The following CCDC122 variants were observed in gnomAD, a reference collection of about 807,000 sequenced individuals.
CCDC122 encodes coiled-coil domain-containing protein 122.
In CCDC122, 38 loss-of-function variants were observed where a neutral mutation model predicts 37.0. The observed-to-expected ratio is 1.03, with a 90% CI of 0.79 to 1.35. CCDC122 has a LOEUF of 1.35. CCDC122 is among the 40% of genes most tolerant of loss of function. CCDC122 has a pLI of 0.00. For synonymous variants in CCDC122, 83 were observed against 95.6 expected (o/e 0.87, Z 0.77); for missense variants, 305 against 310.0 (o/e 0.98, Z 0.12).
At chr13:43,850,127 C>T (rs1953675331) in intron 6 of CCDC122, among the ~76,000 whole-genome samples, 1 of 152,132 alleles carries the variant, frequency 6.6e-6, no homozygotes, top group African/African-American at 2.4e-5. Flanking sequence ...ATGATATTTG[C>T]AGAGGCCTAC....
intron 3 of CCDC122, among the ~76,000 whole-genome samples, 198 bp from the exon 4 acceptor site, chr13:43,869,001 C>T (rs1009552877): frequency 6.6e-6 from 1 of 151,900 alleles, no homozygotes; most frequent in South Asian, 2.1e-4. Context: ...TTCAAAGTTG[C>T]CTACTGCAAT....
chr13:43,878,702 C>A (rs1954745659), intron 1 of CCDC122, among the ~76,000 whole-genome samples: 1 of 152,100 alleles, frequency 6.6e-6, no homozygotes, highest in Non-Finnish European at 1.5e-5. Context: ...AATAAATGAA[C>A]GTTATATTCT....
intron 6 of CCDC122, among the ~76,000 whole-genome samples, chr13:43,845,964 G>A (rs996624857): frequency 6.6e-6 from 1 of 152,072 alleles, no homozygotes; most frequent in African/African-American, 2.4e-5. Flanking sequence ...ACATCCTGTA[G>A]AACGTTTAAC....
Position 43,862,250 on chromosome 13 carries a change from C to T in CCDC122, c.157-2180G>A, listed in dbSNP as rs77568989. ...TTTGCTATGCTTCTCATCTACTACT[C>T]TCCCTTTTTCCAGTCTCCTTTGTGT... On this transcript the variant is annotated intron_variant, in intron 4 of 6. Transcript: ENST00000444614. Among the ~76,000 whole-genome samples the T allele has an allele frequency of 2.9e-4, 44 of 152,306 alleles. No individual in the cohort carries two copies. In the East Asian group the frequency reaches 8.5e-3, roughly 29 times the overall value.
In CCDC122 at chr13:43,842,528, C is replaced by G. The variant is rs142866070; in HGVS notation, c.673-5099G>C. 4.6e-5 allele frequency among the ~76,000 whole-genome samples: 7 copies of G among 150,606 alleles called. No individual in the cohort carries two copies. In the East Asian group the frequency reaches 1.4e-3, roughly 29 times the overall value. On this transcript the variant is annotated intron_variant, in intron 6 of 6. Transcript: ENST00000444614. Reference sequence around the variant, plus strand: ...GGCTACTAGATCCTTTGCGTTTTCACGTAAATTTTAAAATTAGCTTATCAA... The same window carrying G: ...GGCTACTAGATCCTTTGCGTTTTCAGGTAAATTTTAAAATTAGCTTATCAA...
chr13:43,848,992 G>T (rs1030455233), intron 6 of CCDC122: 3 of 960,228 alleles, frequency 3.1e-6, no homozygotes, highest in East Asian at 1.1e-4. Flanking sequence ...ATTAATGATC[G>T]ATTCTCATCA....
Position 43,878,648 on chromosome 13 carries a change from C to T in CCDC122, c.-200+983G>A, listed in dbSNP as rs117964072. On this transcript the variant is annotated intron_variant, in intron 1 of 6. Coordinates refer to ENST00000444614, the MANE Select transcript of CCDC122 (RefSeq NM_144974.5). ...CTCTTGGAAGGTCGGATATTTTTTC[C>T]CTTTACCATACACTGGCCTTCCATG... 6.5e-3 allele frequency among the ~76,000 whole-genome samples: 993 copies of T among 152,250 alleles called. 37 individuals are homozygous for T. The South Asian group carries it at 0.098, about 15-fold the overall frequency.
Position 43,858,774 on chromosome 13 carries a change from G to T in CCDC122, c.672+7C>A. On this transcript the variant is annotated splice_region_variant and intron_variant, in intron 6 of 6. Transcript: ENST00000444614. ...AAAACATTGAAATCTAGATAATTAA[G>T]ACTTACCTCTATTTCTTTTCTTAAT... 2.1e-6 allele frequency: 3 copies of T among 1,396,386 alleles called. No individual in the cohort carries two copies. The South Asian group carries it at 4.2e-5, about 19-fold the overall frequency. 86.5% of individuals were successfully genotyped at this position (1,396,386 alleles called of 1,614,324 possible). A position where few individuals can be genotyped will look rare whatever the true frequency, so the allele number is the denominator to read the frequency against.
intron 4 of CCDC122, 23 bp from the exon 5 acceptor site, chr13:43,860,093 C>T: frequency 8.0e-7 from 1 of 1,255,184 alleles, no homozygotes. Context: ...TTAACATTAT[C>T]ATTATTAATT....
At chr13:43,858,488 T>G (rs1212812823) in intron 6 of CCDC122, 1 of 166,104 alleles carries the variant, frequency 6.0e-6, no homozygotes, top group African/African-American at 2.4e-5. Context: ...TTTCTAGCCA[T>G]TAATTGGGTA....
rs774787943 is a variant in CCDC122 at position 43,837,321 on chromosome 13, T to G, written c.781A>C (p.Thr261Pro). The G allele has an allele frequency of 1.9e-6, 3 of 1,613,914 alleles. No homozygotes were observed. The South Asian group carries it at 3.3e-5, about 18-fold the overall frequency. The change falls in exon 7 of 7, where the codon ACT (threonine) becomes CCT (proline). Residue 261 changes from threonine (T) to proline (P), a missense_variant. Physicochemically the swap from Thr to Pro is conservative, Grantham distance 38. Transcript: ENST00000444614. ...ATGCATTTTCTTAATTCGGCTGCAG[T>G]TTTTTCCAATTGTTGAATGTTCCAT... is the stretch of plus-strand genomic sequence containing the variant. ...WQWNIQQLEK[T>P]AAELRKCIGM...
At chr13:43,879,089 A>C (rs532326683) in intron 1 of CCDC122, among the ~76,000 whole-genome samples, 1 of 152,164 alleles carries the variant, frequency 6.6e-6, no homozygotes, top group East Asian at 1.9e-4. Context: ...TCCCTCAGAG[A>C]CCGGAAACGC....
At chr13:43,826,301 AACTT>A (rs545255369) in intron 3 of CCDC122, among the ~76,000 whole-genome samples, 47 of 152,270 alleles carry the variant, frequency 3.1e-4, no homozygotes, top group Middle Eastern at 3.4e-3. Flanking sequence ...TGTATTTTTG[AACTT>A]ACTTACCTAA....
intron 4 of CCDC122, among the ~76,000 whole-genome samples, chr13:43,863,781 A>T (rs1954189061): frequency 6.6e-6 from 1 of 152,126 alleles, no homozygotes; most frequent in African/African-American, 2.4e-5. Context: ...CTAGTCTGTG[A>T]CAACCCAAAT....
chr13:43,854,823 T>G (rs36155188), intron 6 of CCDC122: 3 of 152,098 alleles, frequency 2.0e-5, no homozygotes, highest in African/African-American at 7.2e-5. Context: ...GTTCAACATA[T>G]GCAAATCAAT....
intron 3 of CCDC122, among the ~76,000 whole-genome samples, chr13:43,825,101 T>C (rs1953027380): frequency 6.6e-6 from 1 of 152,222 alleles, no homozygotes; most frequent in South Asian, 2.1e-4. Context: ...TGCACGGGTA[T>C]GTACTTTAAT....
chr13:43,878,971 T>A (rs1954761381), intron 1 of CCDC122, among the ~76,000 whole-genome samples: 1 of 152,038 alleles, frequency 6.6e-6, no homozygotes, highest in Admixed American at 6.5e-5. Context: ...GCCCCTGACT[T>A]GAGCCCTGCA....
intron 2 of CCDC122, among the ~76,000 whole-genome samples, chr13:43,874,416 C>T (rs1450693170): frequency 4.0e-5 from 6 of 151,416 alleles, no homozygotes; most frequent in Admixed American, 6.6e-5. Flanking sequence ...GTGTAAGCAC[C>T]GGGAAGACAA....
chr13:43,865,621 C>T (rs528820259), intron 4 of CCDC122, among the ~76,000 whole-genome samples: 1 of 152,208 alleles, frequency 6.6e-6, no homozygotes, highest in South Asian at 2.1e-4. Flanking sequence ...CTGTACTCAA[C>T]ATGCCCAGCT....
Sources: allele counts gnomAD v4.1 joint callset (sites outside exome capture counted in the v4.1 genomes callset), GRCh38; gene constraint gnomAD v4.1.1; transcripts MANE v1.5; gene names NCBI Gene and HGNC (gene_info 2026-07-23, HGNC 2026-07-21).